DZIP1: variants seen among roughly 807,000 people sequenced by gnomAD.
The protein encoded by DZIP1 is cilium assembly protein DZIP1.
Under a neutral mutation model 107.6 loss-of-function variants are expected in DZIP1, and 97 were observed. That is an observed-to-expected ratio of 0.90 (90% CI 0.77 to 1.07). DZIP1 has a LOEUF of 1.07. DZIP1 is among the 50% of genes least tolerant of loss of function. The probability of loss-of-function intolerance (pLI) is 0.00; values close to 1 mark genes in which losing one functional copy is unlikely to be tolerated. For synonymous variants in DZIP1, 390 were observed against 386.4 expected (o/e 1.01, Z -0.11); for missense variants, 1,035 against 1,063.6 (o/e 0.97, Z 0.37).
At chr13:95,642,631 G>A (rs1380759196) in intron 3 of DZIP1, among the ~76,000 whole-genome samples, 1 of 152,186 alleles carries the variant, frequency 6.6e-6, no homozygotes, top group Non-Finnish European at 1.5e-5. Context: ...GCATGAGGAA[G>A]CTTTTGGCAT....
intron 20 of DZIP1, among the ~76,000 whole-genome samples, chr13:95,586,425 C>T (rs1407241507): frequency 6.6e-6 from 1 of 152,030 alleles, no homozygotes. Context: ...GTCTTGAACT[C>T]CCGGGCTCAA....
chr13:95,632,224 C>G (rs1384378203), intron 6 of DZIP1, among the ~76,000 whole-genome samples: 1 of 152,134 alleles, frequency 6.6e-6, no homozygotes, highest in Admixed American at 6.5e-5. Flanking sequence ...GCCTGGGTCT[C>G]CACCTTAAGC....
At chr13:95,644,135 C>A (rs1378995750) in intron 1 of DZIP1, among the ~76,000 whole-genome samples, 2 of 152,326 alleles carry the variant, frequency 1.3e-5, no homozygotes, top group Admixed American at 6.5e-5. Flanking sequence ...AAGTCCCAGG[C>A]GCATGGCACC....
chr13:95,594,576 G>T (rs2044393287), intron 15 of DZIP1, among the ~76,000 whole-genome samples: 1 of 152,050 alleles, frequency 6.6e-6, no homozygotes, highest in Non-Finnish European at 1.5e-5. Context: ...AAGGTGAGTG[G>T]ATCACTTGGA....
At chr13:95,608,413 T>C (rs2044853836) in intron 13 of DZIP1, among the ~76,000 whole-genome samples, 1 of 151,450 alleles carries the variant, frequency 6.6e-6, no homozygotes, top group African/African-American at 2.4e-5. Context: ...ATACTCCATT[T>C]GGAGAAAACC....
chr13:95,592,395 C>G (rs147242179), intron 16 of DZIP1, among the ~76,000 whole-genome samples: 1 of 152,192 alleles, frequency 6.6e-6, no homozygotes, highest in African/African-American at 2.4e-5. Context: ...ACAGGAACCA[C>G]ACACATTCCA....
At chr13:95,630,222 G>T (rs1402502782) in intron 6 of DZIP1, 109 bp from the exon 7 acceptor site, 16 of 1,352,018 alleles carry the variant, frequency 1.2e-5, no homozygotes, top group Admixed American at 8.2e-5. Context: ...CTCTTACTTG[G>T]GATACGATTA....
intron 9 of DZIP1, among the ~76,000 whole-genome samples, chr13:95,621,901 G>A (rs535153053): frequency 1.7e-4 from 26 of 151,678 alleles, no homozygotes; most frequent in Non-Finnish European, 2.7e-4. Context: ...CGAGGTGGGC[G>A]GATCACCTGA....
At position 95,641,484 on chromosome 13, in the gene DZIP1, C is replaced by A; in HGVS notation, c.408G>T (p.Glu136Asp). 6.2e-7 allele frequency: 1 copy of A among 1,614,128 alleles called. No homozygotes were observed. The change falls in exon 5 of 23, where the codon GAG becomes GAT. Residue 136 changes from glutamate to aspartate, a missense_variant. By Grantham distance (45) the Glu-to-Asp change is conservative. Coordinates refer to ENST00000376829, the MANE Select transcript of DZIP1 (RefSeq NM_198968.4). This position sits in a 1 kb window ranked among gnomAD's most constrained non-coding sequence, Gnocchi z 4.3. ...GGGTGTGCAGCTGCGAGGTGAGGAACTCTTGTGAGTGCAGCAAGTACTCGA... is the reference window on the plus strand; with the variant it reads ...GGGTGTGCAGCTGCGAGGTGAGGAAATCTTGTGAGTGCAGCAAGTACTCGA... The part of the protein sequence containing the change: ...FTIEYLLHSQ[E>D]FLTSQLHTLE...
intron 13 of DZIP1, 104 bp downstream of exon 13, chr13:95,609,353 T>C (rs146890728): frequency 1.4e-6 from 1 of 695,026 alleles, no homozygotes; most frequent in East Asian, 3.3e-5. Context: ...TCTAAATACA[T>C]TGGTTTTCAA....
At chr13:95,616,507 G>A (rs572319387) in intron 10 of DZIP1, among the ~76,000 whole-genome samples, 1 of 152,294 alleles carries the variant, frequency 6.6e-6, no homozygotes, top group East Asian at 1.9e-4. Flanking sequence ...TTCACTCAGA[G>A]GGCCAATGAC....
At chr13:95,636,784 A>G (rs1382552261) in intron 5 of DZIP1, among the ~76,000 whole-genome samples, 1 of 152,188 alleles carries the variant, frequency 6.6e-6, no homozygotes, top group Non-Finnish European at 1.5e-5. Context: ...AAAATGAAAC[A>G]AAATTTAAAG....
Position 95,590,454 on chromosome 13 carries a change from G to A in DZIP1, c.1681-13C>T. 3 of 1,589,964 alleles carry A rather than the reference G, an allele frequency of 1.9e-6. No homozygotes were observed. Among genetic ancestry groups the A allele is most frequent in the Non-Finnish European group, 2.6e-6 (3 of 1,170,634 alleles). On this transcript the variant is annotated splice_polypyrimidine_tract_variant and intron_variant, in intron 16 of 22. Coordinates refer to ENST00000376829, the MANE Select transcript of DZIP1 (RefSeq NM_198968.4). ...TGCCACGTATATCCTGAAAGAATAA[G>A]ATGTTAAGTTGGCCAGTTATCCTGG...
chr13:95,606,090 G>A (rs200244435), intron 13 of DZIP1, 31 bp from the exon 14 acceptor site: 1 of 1,610,546 alleles, frequency 6.2e-7, no homozygotes, highest in East Asian at 2.2e-5. Flanking sequence ...AAAACTCAGA[G>A]GTTCCATAAT....
intron 16 of DZIP1, among the ~76,000 whole-genome samples, chr13:95,593,460 G>A (rs1422746981): frequency 1.3e-5 from 2 of 152,144 alleles, no homozygotes; most frequent in Non-Finnish European, 2.9e-5. Flanking sequence ...AAAGCAAAAA[G>A]AATCTATATA....
intron 10 of DZIP1, among the ~76,000 whole-genome samples, chr13:95,613,826 T>A (rs1594698013): frequency 1.3e-5 from 2 of 152,096 alleles, no homozygotes. Flanking sequence ...CAGCCGAAGG[T>A]GGGCAGAGCC....
At chr13:95,586,285 G>T in intron 20 of DZIP1, 149 bp from the exon 21 acceptor site, 1 of 619,604 alleles carries the variant, frequency 1.6e-6, no homozygotes, top group Non-Finnish European at 2.5e-6. Context: ...ATGTACTTTG[G>T]GGTTAGAAAA....
At chr13:95,582,341 G>T (rs1180354321) in intron 22 of DZIP1, 28 bp from the exon 23 acceptor site, 1 of 1,579,710 alleles carries the variant, frequency 6.3e-7, no homozygotes, top group Non-Finnish European at 8.7e-7. Context: ...AGGCAGAAGA[G>T]AAGGCCTCAA....
chr13:95,618,444 T>C (rs1475039951), intron 10 of DZIP1, among the ~76,000 whole-genome samples: 1 of 152,244 alleles, frequency 6.6e-6, no homozygotes, highest in Non-Finnish European at 1.5e-5. Context: ...GATGAAATGA[T>C]ATTTTAAATG....
Sources: gnomAD v4.1 joint callset for allele counts (sites outside exome capture counted in the v4.1 genomes callset) on GRCh38, gnomAD v4.1.1 for gene constraint, Gnocchi (gnomAD v3.1) non-coding constraint, MANE v1.5 for transcripts, NCBI Gene and HGNC (gene_info 2026-07-23, HGNC 2026-07-21) for gene names.